Variants in PLXNA2 observed in about 807,000 individuals in gnomAD.
The protein encoded by PLXNA2 is plexin-A2.
PLXNA2 carries 91 observed loss-of-function variants against 193.5 expected under a neutral mutation model. That is an observed-to-expected ratio of 0.47 (90% confidence interval 0.40 to 0.56). The LOEUF (loss-of-function observed/expected upper bound fraction) is 0.56. Ranked by LOEUF, PLXNA2 falls within the 20% of genes least tolerant of loss-of-function variation. The pLI is 0.00. For missense variants in PLXNA2, 1,995 were observed against 2,503.2 expected (o/e 0.80, Z 4.33); for synonymous variants, 997 against 1,027.3 (o/e 0.97, Z 0.56).
At chr1:208,030,567 G>T (rs1156915781) in intron 29 of PLXNA2, 5 of 985,318 alleles carry the variant, frequency 5.1e-6, no homozygotes, top group Non-Finnish European at 6.0e-6. Flanking sequence ...GCAGACTGAG[G>T]AAGGCTCAGC....
intron 1 of PLXNA2, among the ~76,000 whole-genome samples, chr1:208,241,608 T>C (rs868061347): frequency 2.0e-5 from 3 of 152,200 alleles, no homozygotes; most frequent in Admixed American, 6.5e-5. Context: ...CCACTGCTGC[T>C]CCTCAGCATC....
intron 12 of PLXNA2, among the ~76,000 whole-genome samples, 195 bp from the exon 13 acceptor site, chr1:208,061,032 C>T (rs1194242576): frequency 6.6e-6 from 1 of 152,168 alleles, no homozygotes; most frequent in Non-Finnish European, 1.5e-5. Context: ...CTGTTTTACA[C>T]TGCTTCCTCG....
At chr1:208,235,330 GGAGA>G (rs1208574449) in intron 1 of PLXNA2, among the ~76,000 whole-genome samples, 1 of 152,106 alleles carries the variant, frequency 6.6e-6, no homozygotes, top group Non-Finnish European at 1.5e-5. Context: ...AAACAAATTT[GGAGA>G]GAGAGGGGGA....
chr1:208,038,278 A>G lies in PLXNA2; in HGVS notation c.4764+93T>C, dbSNP rs117180606. On this transcript the variant is annotated intron_variant, in intron 26 of 31. Coordinates refer to ENST00000367033, the MANE Select transcript of PLXNA2 (RefSeq NM_025179.4). This position sits in a 1 kb window ranked among gnomAD's most constrained non-coding sequence, Gnocchi z 4.1. ...AGGAGGAGGAAAGCAGGGAGAGGAA[A>G]ATCCTTTTTAGACTTTTGAGGCCTT... 1.6e-3 allele frequency: 1,356 copies of G among 864,072 alleles called. 36 individuals carry two copies. In the East Asian group the frequency reaches 0.031, roughly 20 times the overall value. The allele number at this position is 864,072 out of a possible 1,614,324, so 53.5% of individuals were successfully genotyped here.
chr1:208,122,537 G>A (rs1168160065), intron 4 of PLXNA2, among the ~76,000 whole-genome samples: 4 of 152,074 alleles, frequency 2.6e-5, no homozygotes, highest in Admixed American at 6.5e-5. Context: ...TAATATTAAC[G>A]CTTTATTATT....
At chr1:208,103,343 C>A in intron 4 of PLXNA2, 96 bp from the exon 5 acceptor site, 1 of 902,904 alleles carries the variant, frequency 1.1e-6, no homozygotes, top group South Asian at 1.7e-5. Context: ...CTTGCACTGT[C>A]AACTCCCCTA....
At chr1:208,141,188 T>C (rs1222419883) in intron 4 of PLXNA2, among the ~76,000 whole-genome samples, 2 of 152,364 alleles carry the variant, frequency 1.3e-5, no homozygotes, top group South Asian at 2.1e-4. Flanking sequence ...GAACTAATTT[T>C]CAACTCAGAA....
intron 4 of PLXNA2, among the ~76,000 whole-genome samples, chr1:208,130,926 G>T (rs1237048870): frequency 6.6e-6 from 1 of 152,168 alleles, no homozygotes; most frequent in Non-Finnish European, 1.5e-5. Flanking sequence ...GTCACTTCTG[G>T]CTGAGGAGTT....
chr1:208,217,787 G>T lies in PLXNA2; in HGVS notation c.136C>A (p.Arg46Ser). Residue 46 changes from arginine to serine, a missense_variant, in exon 2 of 32, where the codon CGT becomes AGT. Transcript: ENST00000367033. This position sits in a 1 kb window ranked among gnomAD's most constrained non-coding sequence, Gnocchi z 4.7. ...GTCAAGTGGTTGAAGGTCCAGTCAC[G>T]ATTCTCAGAGTGGAAGGTGCTGAAC... ...PQFSTFHSEN[R>S]DWTFNHLTVH... The T allele has an allele frequency of 6.2e-7, 1 of 1,614,168 alleles. No homozygotes were observed. Among genetic ancestry groups the T allele is most frequent in the Non-Finnish European group, 8.5e-7 (1 of 1,180,028 alleles).
chr1:208,062,707 TCAA>T (rs1158401548), intron 12 of PLXNA2, among the ~76,000 whole-genome samples: 1 of 152,092 alleles, frequency 6.6e-6, no homozygotes, highest in Non-Finnish European at 1.5e-5. Context: ...GGAGATATAG[TCAA>T]GGGGGCTCAG....
chr1:208,136,282 A>G (rs1335016498), intron 4 of PLXNA2, among the ~76,000 whole-genome samples: 2 of 152,214 alleles, frequency 1.3e-5, no homozygotes, highest in African/African-American at 4.8e-5. Flanking sequence ...ATGTGTTTTT[A>G]AAAATATCCC....
Position 208,084,381 on chromosome 1 carries a change from G to A in PLXNA2, c.2297C>T (p.Ser766Leu), listed in dbSNP as rs780579422. Residue 766 changes from serine to leucine, a missense_variant and splice_region_variant, in exon 10 of 32, where the codon TCG becomes TTG. Coordinates refer to ENST00000367033, the MANE Select transcript of PLXNA2 (RefSeq NM_025179.4). ...AGGGCCCAGCCTGCGTTTTCTTACC[G>A]AGCTGTTCTGACACTGAACGCTGGA... ...NSSSVQCQNSSYQYDGMDISN... is the reference protein window; with the variant it reads ...NSSSVQCQNSLYQYDGMDISN... 27 of 1,614,012 alleles carry A rather than the reference G, an allele frequency of 1.7e-5. No homozygotes were observed. Among genetic ancestry groups the A allele is most frequent in the Admixed American group, 3.3e-5 (2 of 60,010 alleles).
At chr1:208,182,113 G>T (rs1254767523) in intron 3 of PLXNA2, among the ~76,000 whole-genome samples, 5 of 152,140 alleles carry the variant, frequency 3.3e-5, no homozygotes, top group African/African-American at 1.2e-4. Flanking sequence ...AGTAGAAGGA[G>T]ATGAGCAATG....
In PLXNA2 at chr1:208,084,706, C is replaced by T. The variant is rs17011896; in HGVS notation, c.2098-126G>A. 2.0e-3 allele frequency: 1,630 copies of T among 806,652 alleles called. 9 individuals are homozygous for T. The African/African-American group carries it at 0.021, about 10-fold the overall frequency. The allele number at this position is 806,652 out of a possible 1,614,324, so 50.0% of individuals were successfully genotyped here. ...GCAGGATATTACCTCATGTAAGGCC[C>T]GTGGAATGGGCAGGGAAAATGGAAT... is the stretch of plus-strand genomic sequence containing the variant. On this transcript the variant is annotated intron_variant, in intron 9 of 31. Coordinates refer to ENST00000367033, the MANE Select transcript of PLXNA2 (RefSeq NM_025179.4).
At chr1:208,243,042 G>A (rs1266888528) in intron 1 of PLXNA2, among the ~76,000 whole-genome samples, 2 of 152,174 alleles carry the variant, frequency 1.3e-5, no homozygotes, top group African/African-American at 2.4e-5. Flanking sequence ...AGGGAGCCCC[G>A]GGAGATGAAA....
chr1:208,029,591 T>C (rs773391140), intron 29 of PLXNA2: 137 of 990,310 alleles, frequency 1.4e-4, no homozygotes, highest in Non-Finnish European at 1.6e-4. Context: ...CTGGGGGAAG[T>C]TCTTTCATGA....
intron 4 of PLXNA2, among the ~76,000 whole-genome samples, chr1:208,117,377 A>G (rs1423655523): frequency 6.6e-6 from 1 of 152,174 alleles, no homozygotes; most frequent in Non-Finnish European, 1.5e-5. Context: ...CTCCCACCCC[A>G]GCTGCACAAT....
At chr1:208,129,384 CAAGTTCTATGTTGT>C (rs1668079447) in intron 4 of PLXNA2, among the ~76,000 whole-genome samples, 1 of 152,064 alleles carries the variant, frequency 6.6e-6, no homozygotes, top group Admixed American at 6.5e-5. Flanking sequence ...GGCTTCCTAC[CAAGTTCTATGTTGT>C]AGCAGCTGGG....
In PLXNA2 at chr1:208,217,429, G is replaced by T; in HGVS notation, c.494C>A (p.Thr165Lys). Residue 165 changes from threonine to lysine, a missense_variant, in exon 2 of 32, where the codon ACG becomes AAG. Physicochemically the swap from Thr to Lys is moderately conservative, Grantham distance 78. Coordinates refer to ENST00000367033, the MANE Select transcript of PLXNA2 (RefSeq NM_025179.4). This position sits in a 1 kb window ranked among gnomAD's most constrained non-coding sequence, Gnocchi z 4.7. ...CACAATCACCCCGTACATGGTGCCCGTCTTGTTGACACTGGACAGGTAGTG... is the reference window on the plus strand; with the variant it reads ...CACAATCACCCCGTACATGGTGCCCTTCTTGTTGACACTGGACAGGTAGTG... Reference protein sequence around the residue: ...KEHYLSSVNKTGTMYGVIVRS... With the variant: ...KEHYLSSVNKKGTMYGVIVRS... 3.1e-6 allele frequency: 5 copies of T among 1,614,178 alleles called. No individual in the cohort carries two copies. The highest frequency in any genetic ancestry group is 4.2e-6 in the Non-Finnish European group (5 of 1,180,040).
Sources: allele counts gnomAD v4.1 joint callset (sites outside exome capture counted in the v4.1 genomes callset), GRCh38; gene constraint gnomAD v4.1.1; non-coding constraint Gnocchi (gnomAD v3.1); transcripts MANE v1.5; gene names NCBI Gene and HGNC (gene_info 2026-07-23, HGNC 2026-07-21).